CDH8: variants seen among roughly 807,000 people sequenced by gnomAD.
The protein encoded by CDH8 is cadherin-8.
Under a neutral mutation model 68.1 loss-of-function variants are expected in CDH8, and 17 were observed. The observed-to-expected ratio is 0.25, with a 90% CI of 0.17 to 0.37. The LOEUF is 0.37. Among genes scored for constraint, CDH8 ranks in the 10% least tolerant of loss-of-function variants. The pLI is 1.00. For missense variants in CDH8, 763 were observed against 999.3 expected (o/e 0.76, Z 3.19); for synonymous variants, 372 against 365.1 (o/e 1.02, Z -0.21).
At chr16:61,840,245 C>G (rs2143007901) in intron 4 of CDH8, among the ~76,000 whole-genome samples, 1 of 152,264 alleles carries the variant, frequency 6.6e-6, no homozygotes, top group South Asian at 2.1e-4. Flanking sequence ...GCCACTTTGT[C>G]TCCCTGATCC....
chr16:61,848,563 T>C (rs988319063), intron 4 of CDH8, among the ~76,000 whole-genome samples: 25 of 152,166 alleles, frequency 1.6e-4, no homozygotes, highest in Admixed American at 7.2e-4. Flanking sequence ...CCCTAGTTCA[T>C]ATATTGTATC....
At chr16:61,916,923 A>G (rs1964247713) in intron 2 of CDH8, among the ~76,000 whole-genome samples, 1 of 152,208 alleles carries the variant, frequency 6.6e-6, no homozygotes, top group African/African-American at 2.4e-5. Flanking sequence ...ACTTTGTCAT[A>G]TTATGAAGTG....
chr16:61,884,633 C>T (rs564297018), intron 3 of CDH8, among the ~76,000 whole-genome samples: 1 of 152,282 alleles, frequency 6.6e-6, no homozygotes, highest in Non-Finnish European at 1.5e-5. Context: ...CTCAGCATCC[C>T]AAAGTGCTGG....
chr16:61,966,895 TA>T (rs1453179928), intron 2 of CDH8, among the ~76,000 whole-genome samples: 1 of 152,060 alleles, frequency 6.6e-6, no homozygotes, highest in Admixed American at 6.5e-5. Flanking sequence ...TATGAGAGGA[TA>T]ATTTCACTTT....
Position 61,714,950 on chromosome 16 carries a change from A to T in CDH8, c.1537-992T>A, listed in dbSNP as rs1042655876. On this transcript the variant is annotated intron_variant, in intron 9 of 11. Transcript: ENST00000577390. ...TGAAATGTTATTAAAGAGAAAAAAA[A>T]ATTCCTTTTGAGAAGGGGTCATCTT... Among the ~76,000 whole-genome samples the T allele has an allele frequency of 3.3e-5, 5 of 151,706 alleles. No homozygotes were observed. The East Asian group carries it at 9.7e-4, about 30-fold the overall frequency.
chr16:61,742,320 C>T (rs184807162), intron 8 of CDH8, among the ~76,000 whole-genome samples: 13 of 151,858 alleles, frequency 8.6e-5, no homozygotes, highest in African/African-American at 2.7e-4. Flanking sequence ...TCTCTCTTTC[C>T]GATATTTATG....
intron 3 of CDH8, among the ~76,000 whole-genome samples, chr16:61,869,085 A>C (rs567678527): frequency 6.6e-6 from 1 of 152,298 alleles, no homozygotes; most frequent in Non-Finnish European, 1.5e-5. Context: ...TAGATGCTGT[A>C]TTTATTCAAC....
intron 4 of CDH8, among the ~76,000 whole-genome samples, chr16:61,847,511 ACC>A (rs1479720522): frequency 6.9e-6 from 1 of 145,088 alleles, no homozygotes; most frequent in Non-Finnish European, 1.5e-5. Context: ...ATGTTAATTA[ACC>A]CCCTTCTGTA....
At chr16:61,933,082 A>G (rs1964571445) in intron 2 of CDH8, among the ~76,000 whole-genome samples, 1 of 152,182 alleles carries the variant, frequency 6.6e-6, no homozygotes, top group Admixed American at 6.5e-5. Context: ...CTTACTCCTA[A>G]TAACACTGAG....
At chr16:61,836,772 C>T (rs560353933) in intron 4 of CDH8, among the ~76,000 whole-genome samples, 2 of 152,030 alleles carry the variant, frequency 1.3e-5, no homozygotes, top group South Asian at 4.1e-4. Context: ...GGGCTTTCTA[C>T]CACTGTCATG....
rs998347905 is a variant in CDH8, at chr16:61,811,429, G to A, written c.1277+6050C>T. On this transcript the variant is annotated intron_variant, in intron 7 of 11. Coordinates refer to ENST00000577390, the MANE Select transcript of CDH8 (RefSeq NM_001796.5). ...AAGTTTTAATTATTTAAAAATACTA[G>A]GTTCTTATACGCTGTTGGTGGGAAT... is the stretch of plus-strand genomic sequence containing the variant. Among the ~76,000 whole-genome samples the A allele has an allele frequency of 3.3e-5, 5 of 152,076 alleles. No individual in the cohort carries two copies. In the East Asian group the frequency reaches 5.8e-4, roughly 18 times the overall value.
chr16:61,886,126 G>T (rs893300058), intron 3 of CDH8, among the ~76,000 whole-genome samples: 1 of 152,146 alleles, frequency 6.6e-6, no homozygotes, highest in African/African-American at 2.4e-5. Context: ...TTTTATCTGT[G>T]CAGCAGTCGA....
At chr16:61,879,910 G>GT (rs5817319) in intron 3 of CDH8, among the ~76,000 whole-genome samples, 5 of 151,408 alleles carry the variant, frequency 3.3e-5, no homozygotes, top group South Asian at 4.2e-4. Context: ...GGTTTTTTGG[G>GT]TTTTTTTTGT....
At chr16:61,723,602 T>A (rs560696064) in intron 9 of CDH8, among the ~76,000 whole-genome samples, 2 of 150,750 alleles carry the variant, frequency 1.3e-5, no homozygotes, top group Non-Finnish European at 3.0e-5. Context: ...GAAAATTCCA[T>A]GAAGGTAAAA....
intron 8 of CDH8, among the ~76,000 whole-genome samples, chr16:61,754,191 A>G (rs998627956): frequency 6.6e-6 from 1 of 152,184 alleles, no homozygotes; most frequent in African/African-American, 2.4e-5. Context: ...AAAATAATGT[A>G]GATACAAGAC....
At chr16:61,826,979 C>T (rs939186508) in intron 4 of CDH8, among the ~76,000 whole-genome samples, 17 of 151,784 alleles carry the variant, frequency 1.1e-4, no homozygotes, top group Non-Finnish European at 1.9e-4. Context: ...ATAGGTCATA[C>T]CTATATAGTT....
At chr16:61,697,279 A>T (rs1198649434) in intron 10 of CDH8, among the ~76,000 whole-genome samples, 1 of 152,012 alleles carries the variant, frequency 6.6e-6, no homozygotes. Context: ...CAGGGCCAGC[A>T]TCTTGTACAG....
intron 10 of CDH8, among the ~76,000 whole-genome samples, chr16:61,656,282 T>C (rs1248540153): frequency 6.6e-6 from 1 of 152,168 alleles, no homozygotes; most frequent in Non-Finnish European, 1.5e-5. Context: ...TGCAAAATAT[T>C]TCTTTTACAA....
At chr16:61,985,519 T>A (rs1186936329) in intron 2 of CDH8, among the ~76,000 whole-genome samples, 2 of 152,028 alleles carry the variant, frequency 1.3e-5, no homozygotes, top group Non-Finnish European at 2.9e-5. Context: ...TGAGACGGAG[T>A]TTCACTCTTG....
Sources: gnomAD v4.1 joint callset for allele counts (sites outside exome capture counted in the v4.1 genomes callset) on GRCh38, gnomAD v4.1.1 for gene constraint, MANE v1.5 for transcripts, NCBI Gene and HGNC (gene_info 2026-07-23, HGNC 2026-07-21) for gene names.